The following MPP7 variants were observed in gnomAD, a reference collection of about 807,000 sequenced individuals.
MPP7 encodes MAGUK p55 scaffold protein 7, also known as MAGUK p55 subfamily member 7.
A neutral mutation model predicts 76.5 loss-of-function variants in MPP7; 60 were observed. The observed-to-expected ratio is 0.78, with a 90% CI of 0.64 to 0.97. MPP7 has a LOEUF of 0.97. Ranked by LOEUF, MPP7 falls within the 50% of genes least tolerant of loss-of-function variation. MPP7 has a pLI of 0.00. For missense variants in MPP7, 641 were observed against 694.0 expected, an observed-to-expected ratio of 0.92 and a Z score of 0.86; for synonymous variants, 237 against 244.5, an observed-to-expected ratio of 0.97 and a Z score of 0.29.
At chr10:28,203,496 T>TA (rs72465209) in intron 2 of MPP7, among the ~76,000 whole-genome samples, 4,149 of 129,850 alleles carry the variant, frequency 0.032, 140 homozygotes, top group African/African-American at 0.081. Context: ...AAACAGTCTT[T>TA]AAAAAAAAAA....
At chr10:28,140,021 T>A (rs1835462639) in intron 5 of MPP7, among the ~76,000 whole-genome samples, 1 of 152,136 alleles carries the variant, frequency 6.6e-6, no homozygotes, top group African/African-American at 2.4e-5. Context: ...CCTCACAAAT[T>A]TAAATAAGTC....
chr10:28,178,045 A>T (rs751329082), intron 3 of MPP7, among the ~76,000 whole-genome samples: 8 of 152,170 alleles, frequency 5.3e-5, no homozygotes, highest in Non-Finnish European at 7.4e-5. Flanking sequence ...AACCAACAGT[A>T]GCTGATTTTT....
intron 3 of MPP7, among the ~76,000 whole-genome samples, chr10:28,169,411 G>C (rs1459640352): frequency 6.6e-6 from 1 of 152,166 alleles, no homozygotes; most frequent in Non-Finnish European, 1.5e-5. Flanking sequence ...ACCCAGGAGT[G>C]AGGCTGATGT....
intron 11 of MPP7, among the ~76,000 whole-genome samples, chr10:28,106,296 C>T (rs1834323916): frequency 6.6e-6 from 1 of 152,118 alleles, no homozygotes; most frequent in Non-Finnish European, 1.5e-5. Context: ...AGAGAACTTA[C>T]CAGGATACCT....
intron 1 of MPP7, among the ~76,000 whole-genome samples, chr10:28,286,608 T>C (rs911979921): frequency 2.6e-5 from 4 of 151,818 alleles, no homozygotes; most frequent in African/African-American, 7.3e-5. Context: ...ACCCTGGGGG[T>C]CCTCAGGCAC....
rs1214005168 is a variant in MPP7, at chr10:28,054,024, T to C, written c.*41A>G. The C allele has an allele frequency of 6.8e-6, 10 of 1,461,884 alleles. No individual in the cohort carries two copies. The highest frequency in any genetic ancestry group is 9.5e-6 in the Non-Finnish European group (10 of 1,048,632). The allele number at this position is 1,461,884 out of a possible 1,614,324, so 90.6% of individuals were successfully genotyped here. On this transcript the variant is annotated 3_prime_UTR_variant, in exon 17 of 17. Transcript: ENST00000683449. ...ACCAAAACTGTAATTGATTTCATCA[T>C]GCACTCTATAGAAAAAGACAATTAT...
intron 2 of MPP7, among the ~76,000 whole-genome samples, chr10:28,212,800 G>A (rs895756846): frequency 2.0e-5 from 3 of 152,206 alleles, no homozygotes; most frequent in South Asian, 4.1e-4. Context: ...AATGAGGACT[G>A]AGAACTAAGC....
intron 11 of MPP7, among the ~76,000 whole-genome samples, chr10:28,111,917 G>T (rs1483317778): frequency 6.6e-5 from 10 of 152,144 alleles, no homozygotes; most frequent in Non-Finnish European, 1.5e-5. Context: ...AAATAGGAGT[G>T]ATCAGAACAG....
In MPP7 at chr10:28,058,501, C is replaced by A; in HGVS notation, c.1401G>T (p.Gln467His). The change falls in exon 15 of 17, where the codon CAG becomes CAT. Residue 467 changes from glutamine to histidine, a missense_variant. By Grantham distance (24) the Gln-to-His change is conservative (BLOSUM62 0). Transcript: ENST00000683449. ...TAGCTCATTGTTTACTTACATGAGG[C>A]TGAACATCCAACAAACAAACTTTGT... ...AKNKVCLLDV[Q>H]PHTVKHLRTL... 3.8e-6 allele frequency: 6 copies of A among 1,589,092 alleles called. No homozygotes were observed. The South Asian group carries it at 4.5e-5, about 12-fold the overall frequency.
At chr10:28,280,412 T>C (rs1840634053) in intron 1 of MPP7, among the ~76,000 whole-genome samples, 1 of 152,058 alleles carries the variant, frequency 6.6e-6, no homozygotes, top group African/African-American at 2.4e-5. Context: ...AGTTGTTATA[T>C]TGTTTGGGGA....
At chr10:28,124,499 G>A (rs1359968274) in intron 7 of MPP7, among the ~76,000 whole-genome samples, 7 of 95,034 alleles carry the variant, frequency 7.4e-5, no homozygotes, top group Admixed American at 3.3e-4. Context: ...TTTTTGAGAC[G>A]GAGTCTCGCT....
chr10:28,120,450 T>C, intron 9 of MPP7, 60 bp from the exon 10 acceptor site: 1 of 1,525,948 alleles, frequency 6.6e-7, no homozygotes. Context: ...AAATGGCCTA[T>C]ATTCTCCTAA....
At chr10:28,197,219 G>A (rs976060675) in intron 3 of MPP7, among the ~76,000 whole-genome samples, 1 of 124,034 alleles carries the variant, frequency 8.1e-6, no homozygotes, top group Admixed American at 1.0e-4. Context: ...ATCTTGCTCT[G>A]TCGCCCAGGC....
intron 2 of MPP7, among the ~76,000 whole-genome samples, chr10:28,225,718 T>A (rs1008108689): frequency 1.8e-4 from 28 of 152,152 alleles, no homozygotes; most frequent in African/African-American, 6.5e-4. Flanking sequence ...CTGGTAGAAA[T>A]GTAAAATGTT....
chr10:28,054,115 T>C lies in MPP7; in HGVS notation c.1681A>G (p.Lys561Glu), dbSNP rs764971340. Residue 561 changes from lysine (K) to glutamate (E), a missense_variant, in exon 17 of 17, where the codon AAA becomes GAA. Transcript: ENST00000683449. The part of the protein sequence containing the change: ...AFNELKTTFD[K>E]LETETHWVPV... ...ACCCAATGGGTCTCTGTCTCTAATT[T>C]GTCAAAAGTTGTTTTGAGCTCATTG... The C allele has an allele frequency of 1.2e-6, 2 of 1,613,858 alleles. No individual in the cohort carries two copies. The highest frequency in any genetic ancestry group is 2.7e-5 in the African/African-American group (2 of 75,062).
At chr10:28,271,890 A>C (rs1274913336) in intron 1 of MPP7, among the ~76,000 whole-genome samples, 2 of 152,114 alleles carry the variant, frequency 1.3e-5, no homozygotes, top group Non-Finnish European at 2.9e-5. Context: ...CAGGAGAATC[A>C]CTTGAACCTG....
intron 1 of MPP7, among the ~76,000 whole-genome samples, chr10:28,271,578 C>T (rs529277424): frequency 6.6e-6 from 1 of 152,096 alleles, no homozygotes; most frequent in African/African-American, 2.4e-5. Context: ...AGGTAGGGAG[C>T]CCTGTTTGTA....
chr10:28,253,272 GA>G (rs1839674931), intron 1 of MPP7, among the ~76,000 whole-genome samples: 1 of 152,140 alleles, frequency 6.6e-6, no homozygotes, highest in South Asian at 2.1e-4. Flanking sequence ...TGGCAAGTGG[GA>G]AATTACTGAA....
intron 3 of MPP7, among the ~76,000 whole-genome samples, chr10:28,173,840 T>C (rs932354474): frequency 1.3e-5 from 2 of 152,220 alleles, no homozygotes; most frequent in African/African-American, 4.8e-5. Context: ...ACCACACTTG[T>C]GAATTATAAG....
Sources: gnomAD v4.1 joint callset for allele counts (sites outside exome capture counted in the v4.1 genomes callset) on GRCh38, gnomAD v4.1.1 for gene constraint, MANE v1.5 for transcripts, NCBI Gene and HGNC (gene_info 2026-07-23, HGNC 2026-07-21) for gene names.